Variants in VPS13B observed in about 807,000 individuals in gnomAD.
VPS13B encodes intermembrane lipid transfer protein VPS13B.
A neutral mutation model predicts 426.4 loss-of-function variants in VPS13B; 285 were observed. The observed-to-expected ratio is 0.67, with a 90% CI of 0.61 to 0.74. The LOEUF is 0.74. Ranked by LOEUF, VPS13B falls within the 30% of genes least tolerant of loss-of-function variation. VPS13B has a pLI of 0.00. For missense variants in VPS13B, 4,537 were observed against 4,782.6 expected, an observed-to-expected ratio of 0.95 and a Z score of 1.51; for synonymous variants, 1,676 against 1,676.4, an observed-to-expected ratio of 1.00 and a Z score of 0.01.
In VPS13B at chr8:99,543,184, C is replaced by G. The variant is rs540169680; in HGVS notation, c.4746-13266C>G. ...AGATCTACAACTATCTGATCTTTGA[C>G]AAACCTGAGAAAAACAAGCAATGGG... On this transcript the variant is annotated intron_variant, in intron 30 of 61. Transcript: ENST00000357162. Among the ~76,000 whole-genome samples, 14 of 152,252 alleles carry G rather than the reference C, an allele frequency of 9.2e-5. No individual in the cohort carries two copies. In the South Asian group the frequency reaches 2.9e-3, roughly 32 times the overall value.
intron 3 of VPS13B, among the ~76,000 whole-genome samples, chr8:99,044,855 C>T (rs1446273708): frequency 9.9e-4 from 6 of 6,056 alleles, no homozygotes; most frequent in Non-Finnish European, 3.7e-3. Flanking sequence ...CCATTTTATA[C>T]ACACACACAC....
At chr8:99,075,619 G>A (rs1404903426) in intron 3 of VPS13B, among the ~76,000 whole-genome samples, 2 of 152,160 alleles carry the variant, frequency 1.3e-5, no homozygotes, top group African/African-American at 4.8e-5. Flanking sequence ...TTAATAGGTT[G>A]TATGTGTTCA....
At chr8:99,821,667 G>C (rs887955391) in intron 50 of VPS13B, among the ~76,000 whole-genome samples, 185 bp downstream of exon 50, 1 of 151,830 alleles carries the variant, frequency 6.6e-6, no homozygotes, top group Non-Finnish European at 1.5e-5. Context: ...TTCTTTACCA[G>C]TGATAAAAGC....
intron 55 of VPS13B, among the ~76,000 whole-genome samples, chr8:99,850,546 ATTTAT>A (rs1487652041): frequency 6.6e-6 from 1 of 152,188 alleles, no homozygotes; most frequent in Non-Finnish European, 1.5e-5. Context: ...TTATAATAGC[ATTTAT>A]TTTATGATCA....
rs546728545 is a variant in VPS13B, at chr8:99,722,120, A to G, written c.7050+1073A>G. 5.3e-5 allele frequency among the ~76,000 whole-genome samples: 8 copies of G among 152,150 alleles called. No individual in the cohort carries two copies. In the South Asian group the frequency reaches 1.7e-3, roughly 32 times the overall value. ...GTTCATGCCAGTTTCTCCCTTTCTCATGATCCTTTAGCCACTCTGGCCTCC... is the reference window on the plus strand; with the variant it reads ...GTTCATGCCAGTTTCTCCCTTTCTCGTGATCCTTTAGCCACTCTGGCCTCC... On this transcript the variant is annotated intron_variant, in intron 39 of 61. Transcript: ENST00000357162.
rs769628992 is a variant in VPS13B at position 99,861,766 on chromosome 8, G to T, written c.11045-10G>T. Reference sequence around the variant, plus strand: ...ACAAGGAGGCTAACCCCATGCTCTTGTTCCCTCAGGTACCCTCACATCCAT... The same window carrying T: ...ACAAGGAGGCTAACCCCATGCTCTTTTTCCCTCAGGTACCCTCACATCCAT... On this transcript the variant is annotated splice_polypyrimidine_tract_variant and intron_variant, in intron 57 of 61. Transcript: ENST00000357162. 5 of 1,589,868 alleles carry T rather than the reference G, an allele frequency of 3.1e-6. No homozygotes were observed. Among genetic ancestry groups the T allele is most frequent in the Admixed American group, 3.6e-5 (2 of 56,190 alleles).
intron 19 of VPS13B, among the ~76,000 whole-genome samples, chr8:99,305,885 C>G (rs1258225665): frequency 6.6e-6 from 1 of 152,090 alleles, no homozygotes; most frequent in East Asian, 1.9e-4. Context: ...TGGTTTATCA[C>G]TTTGGTGTTA....
At chr8:99,579,713 CTTTT>C (rs756136630) in intron 33 of VPS13B, among the ~76,000 whole-genome samples, 1 of 143,966 alleles carries the variant, frequency 6.9e-6, no homozygotes, top group South Asian at 2.2e-4. Flanking sequence ...TTCTTTCTTT[CTTTT>C]TTTTTTAACA....
chr8:99,414,735 G>A (rs549052684), intron 21 of VPS13B, among the ~76,000 whole-genome samples: 6 of 152,230 alleles, frequency 3.9e-5, no homozygotes, highest in South Asian at 4.2e-4. Flanking sequence ...TGAGAATGTC[G>A]AATATTGGCC....
At chr8:99,564,882 G>C (rs1041790576) in intron 31 of VPS13B, among the ~76,000 whole-genome samples, 1 of 152,160 alleles carries the variant, frequency 6.6e-6, no homozygotes, top group Admixed American at 6.5e-5. Context: ...CTCAGACCTC[G>C]TAGGCTTGTG....
intron 35 of VPS13B, among the ~76,000 whole-genome samples, chr8:99,674,556 G>A (rs1055111476): frequency 3.3e-5 from 5 of 151,840 alleles, no homozygotes; most frequent in African/African-American, 7.3e-5. Context: ...ATTGGTGAAC[G>A]TAAGCCATTT....
intron 52 of VPS13B, among the ~76,000 whole-genome samples, chr8:99,833,306 T>A (rs1199401086): frequency 6.6e-6 from 1 of 152,196 alleles, no homozygotes; most frequent in Non-Finnish European, 1.5e-5. Flanking sequence ...ATGTAAAATG[T>A]CCCTTCTGCA....
chr8:99,192,845 G>A, intron 16 of VPS13B, 31 bp from the exon 17 acceptor site: 2 of 1,609,822 alleles, frequency 1.2e-6, no homozygotes, highest in African/African-American at 1.3e-5. Context: ...GCTATTTACT[G>A]TATTGCGATT....
At chr8:99,096,242 A>T in intron 3 of VPS13B, 70 bp from the exon 4 acceptor site, 2 of 1,577,486 alleles carry the variant, frequency 1.3e-6, no homozygotes. Flanking sequence ...TGCATATATT[A>T]AAAAATTTTT....
intron 19 of VPS13B, among the ~76,000 whole-genome samples, chr8:99,289,804 T>C (rs1819632778): frequency 6.6e-6 from 1 of 152,134 alleles, no homozygotes; most frequent in African/African-American, 2.4e-5. Context: ...TTTGATATTG[T>C]TGAATCATTA....
chr8:99,450,408 A>T (rs1818128966), intron 23 of VPS13B, among the ~76,000 whole-genome samples: 1 of 152,254 alleles, frequency 6.6e-6, no homozygotes, highest in East Asian at 1.9e-4. Flanking sequence ...TATGAAGACC[A>T]TATGTTCAAT....
chr8:99,873,205 G>A (rs568357161), intron 61 of VPS13B: 6 of 152,270 alleles, frequency 3.9e-5, no homozygotes, highest in African/African-American at 1.4e-4. Flanking sequence ...TATTAAGACT[G>A]CAGATTTCTT....
intron 19 of VPS13B, among the ~76,000 whole-genome samples, chr8:99,303,789 G>A (rs1302743782): frequency 2.7e-5 from 4 of 150,138 alleles, no homozygotes; most frequent in South Asian, 2.1e-4. Context: ...GTGTTGCTGT[G>A]GTTCAGTGAT....
chr8:99,406,887 TTAGA>T (rs1428260065), intron 21 of VPS13B, among the ~76,000 whole-genome samples: 2 of 152,180 alleles, frequency 1.3e-5, no homozygotes, highest in African/African-American at 2.4e-5. Context: ...AGGATAGGTG[TTAGA>T]TAGGGTTTGT....
Sources: gnomAD v4.1 joint callset for allele counts (sites outside exome capture counted in the v4.1 genomes callset) on GRCh38, gnomAD v4.1.1 for gene constraint, MANE v1.5 for transcripts, NCBI Gene and HGNC (gene_info 2026-07-23, HGNC 2026-07-21) for gene names.